Variants in PGCKA1 observed in about 807,000 individuals in gnomAD.
The protein encoded by PGCKA1 is PDCD10 and GCKIII kinases associated 1.
chr4:37,520,490 T>C, the PGCKA1 span, among the ~76,000 whole-genome samples: 2 of 152,254 alleles, frequency 1.3e-5, no homozygotes, highest in Admixed American at 6.5e-5. Context: ...CTTGGTAGAT[T>C]GTATATATTT....
At chr4:37,569,267 G>A in the PGCKA1 span, among the ~76,000 whole-genome samples, 273 of 151,254 alleles carry the variant, frequency 1.8e-3, 2 homozygotes, top group Middle Eastern at 6.8e-3. Flanking sequence ...GCAAGATCTC[G>A]GCTCACTGCA....
chr4:37,483,998 A>G, the PGCKA1 span, among the ~76,000 whole-genome samples: 1 of 152,174 alleles, frequency 6.6e-6, no homozygotes, highest in South Asian at 2.1e-4. Context: ...CTGCTTTTAA[A>G]AACAAAACTG....
the PGCKA1 span, among the ~76,000 whole-genome samples, chr4:37,455,837 C>T: frequency 1.3e-5 from 2 of 152,206 alleles, no homozygotes; most frequent in Admixed American, 1.3e-4. Context: ...TAGAACAGCC[C>T]GCTCTTGGTG....
At chr4:37,519,423 G>A in the PGCKA1 span, among the ~76,000 whole-genome samples, 2 of 151,758 alleles carry the variant, frequency 1.3e-5, no homozygotes, top group Non-Finnish European at 2.9e-5. Context: ...CTTTTTATAT[G>A]TACTCTTCAA....
the PGCKA1 span, among the ~76,000 whole-genome samples, chr4:37,479,419 A>C: frequency 6.6e-6 from 1 of 152,150 alleles, no homozygotes; most frequent in Non-Finnish European, 1.5e-5. Flanking sequence ...GGCCCTCCCC[A>C]AACTTTCATA....
At chr4:37,535,610 G>A in the PGCKA1 span, among the ~76,000 whole-genome samples, 2 of 152,148 alleles carry the variant, frequency 1.3e-5, no homozygotes, top group Non-Finnish European at 2.9e-5. Flanking sequence ...AGAGGTGTCT[G>A]GTGAGAAGAT....
chr4:37,532,106 T>C, the PGCKA1 span, among the ~76,000 whole-genome samples: 2 of 152,128 alleles, frequency 1.3e-5, no homozygotes, highest in African/African-American at 2.4e-5. Flanking sequence ...GGCAGGAGCA[T>C]TTACACCATG....
At chr4:37,460,960 T>G in the PGCKA1 span, 1 of 354,452 alleles carries the variant, frequency 2.8e-6, no homozygotes, top group Non-Finnish European at 5.5e-6. Flanking sequence ...GGGGTTTTTA[T>G]GGTTTTGGGT....
chr4:37,511,784 G>C, the PGCKA1 span, among the ~76,000 whole-genome samples: 1 of 152,158 alleles, frequency 6.6e-6, no homozygotes, highest in African/African-American at 2.4e-5. Flanking sequence ...GTAGGGTACT[G>C]GTCAGAGTCG....
At chr4:37,543,427 T>G in the PGCKA1 span, among the ~76,000 whole-genome samples, 1 of 152,208 alleles carries the variant, frequency 6.6e-6, no homozygotes, top group Non-Finnish European at 1.5e-5. Flanking sequence ...GCAAAGGGCT[T>G]GTTTCTCATT....
At chr4:37,518,272 T>C in the PGCKA1 span, among the ~76,000 whole-genome samples, 1 of 152,214 alleles carries the variant, frequency 6.6e-6, no homozygotes, top group Non-Finnish European at 1.5e-5. Context: ...TTTACTTTCT[T>C]TTGGGTATGT....
chr4:37,490,642 C>G, the PGCKA1 span, among the ~76,000 whole-genome samples: 1 of 152,276 alleles, frequency 6.6e-6, no homozygotes, highest in East Asian at 1.9e-4. Context: ...GGCTTCTCCT[C>G]TCACCTGGAC....
At chr4:37,483,063 G>A in the PGCKA1 span, among the ~76,000 whole-genome samples, 26,056 of 152,124 alleles carry the variant, frequency 0.17, 2,886 homozygotes, top group Non-Finnish European at 0.25. Context: ...GGCCCAGTGG[G>A]AGATAATTGA....
At chr4:37,505,028 C>T in the PGCKA1 span, among the ~76,000 whole-genome samples, 1 of 152,070 alleles carries the variant, frequency 6.6e-6, no homozygotes, top group East Asian at 1.9e-4. Flanking sequence ...TCAGTTTTTC[C>T]CCATTCAGTA....
the PGCKA1 span, chr4:37,588,546 A>T: frequency 3.2e-6 from 1 of 308,042 alleles, no homozygotes; most frequent in Non-Finnish European, 6.1e-6. Context: ...TCTGTCTAGC[A>T]TCCTTCCACC....
chr4:37,456,444 C>T, the PGCKA1 span, among the ~76,000 whole-genome samples: 4 of 152,176 alleles, frequency 2.6e-5, no homozygotes, highest in Admixed American at 1.3e-4. Flanking sequence ...CCAATGAATA[C>T]GTGTCCTGAA....
the PGCKA1 span, among the ~76,000 whole-genome samples, chr4:37,545,119 G>T: frequency 1.3e-5 from 2 of 152,140 alleles, no homozygotes; most frequent in Non-Finnish European, 2.9e-5. Context: ...GCCTCCCCAA[G>T]TGCTGGGATT....
At chr4:37,478,041 A>T in the PGCKA1 span, among the ~76,000 whole-genome samples, 1 of 152,074 alleles carries the variant, frequency 6.6e-6, no homozygotes, top group Non-Finnish European at 1.5e-5. Context: ...TAAATTGATC[A>T]CTTGGACCTG....
chr4:37,537,535 G>GA, the PGCKA1 span, among the ~76,000 whole-genome samples: 1 of 151,998 alleles, frequency 6.6e-6, no homozygotes, highest in African/African-American at 2.4e-5. Flanking sequence ...ATTTGTTATA[G>GA]AAAAAAAATG....
Sources: gnomAD v4.1 joint callset for allele counts (sites outside exome capture counted in the v4.1 genomes callset) on GRCh38, gnomAD v4.1.1 for gene constraint, MANE v1.5 for transcripts, NCBI Gene and HGNC (gene_info 2026-07-23, HGNC 2026-07-21) for gene names.